The following SKAP2 variants were observed in gnomAD, a reference collection of about 807,000 sequenced individuals.
SKAP2 encodes src kinase-associated phosphoprotein 2.
Under a neutral mutation model 54.9 loss-of-function variants are expected in SKAP2, and 28 were observed. The observed-to-expected ratio is 0.51, with a 90% CI of 0.38 to 0.70. SKAP2 has a LOEUF of 0.70. Ranked by LOEUF, SKAP2 falls within the 30% of genes least tolerant of loss-of-function variation. The pLI is 0.00. For missense variants in SKAP2, 356 were observed against 424.1 expected (o/e 0.84, Z 1.41); for synonymous variants, 137 against 134.3 (o/e 1.02, Z -0.14).
chr7:26,816,437 G>A (rs1317705917), intron 4 of SKAP2, among the ~76,000 whole-genome samples: 1 of 151,862 alleles, frequency 6.6e-6, no homozygotes, highest in Non-Finnish European at 1.5e-5. Flanking sequence ...ATTAAGATAA[G>A]AATATTAGGA....
chr7:26,720,778 AACTC>A (rs1787561325), intron 9 of SKAP2, among the ~76,000 whole-genome samples: 1 of 152,114 alleles, frequency 6.6e-6, no homozygotes, highest in Non-Finnish European at 1.5e-5. Context: ...ATCTCATGAG[AACTC>A]ACTCACTATC....
chr7:26,838,809 G>A (rs966277375), intron 4 of SKAP2, among the ~76,000 whole-genome samples: 1 of 152,074 alleles, frequency 6.6e-6, no homozygotes, highest in Non-Finnish European at 1.5e-5. Context: ...ATTGTAGCAC[G>A]TAGTATTTAT....
chr7:26,809,775 A>C lies in SKAP2; in HGVS notation c.307+34255T>G, dbSNP rs529753619. Among the ~76,000 whole-genome samples the C allele has an allele frequency of 6.3e-4, 96 of 152,308 alleles. 1 individual carries two copies. Among genetic ancestry groups the C allele is most frequent in the African/African-American group, 2.2e-3 (91 of 41,570 alleles). On this transcript the variant is annotated intron_variant, in intron 4 of 12. Transcript: ENST00000345317. ...CTGGGAATATATCCAAAAGATACAAAATCAGTATGTCAAGGGGATATCTGC... is the reference window on the plus strand; with the variant it reads ...CTGGGAATATATCCAAAAGATACAACATCAGTATGTCAAGGGGATATCTGC...
intron 6 of SKAP2, among the ~76,000 whole-genome samples, chr7:26,737,977 G>A (rs1404548029): frequency 5.3e-5 from 8 of 152,036 alleles, no homozygotes; most frequent in Non-Finnish European, 8.8e-5. Flanking sequence ...TGGGTACAGC[G>A]GTGTGCACCT....
chr7:26,691,403 A>G (rs1786776563), intron 9 of SKAP2, among the ~76,000 whole-genome samples: 1 of 152,232 alleles, frequency 6.6e-6, no homozygotes, highest in Non-Finnish European at 1.5e-5. Context: ...CCAAAGAAAA[A>G]CTGGATTCAA....
chr7:26,657,103 C>T, the SKAP2 span, among the ~76,000 whole-genome samples: 59 of 152,298 alleles, frequency 3.9e-4, no homozygotes, highest in African/African-American at 1.4e-3. Context: ...TACCTGGTAA[C>T]TATAAATCTC....
rs1224506623 is a variant in SKAP2 at position 26,738,837 on chromosome 7, C to G, written c.427G>C (p.Ala143Pro). ...TAATAGAATACCGTTTTACTGAGAG[C>G]ACACCACCGTTTCTGCCATTCAAAT... ...LGFEWQKRWCALSKTVFYYYG... is the reference protein window; with the variant it reads ...LGFEWQKRWCPLSKTVFYYYG... The change falls in exon 6 of 13, where the codon GCT becomes CCT. Residue 143 changes from alanine to proline, a missense_variant. Coordinates refer to ENST00000345317, the MANE Select transcript of SKAP2 (RefSeq NM_003930.5). 1.9e-6 allele frequency: 3 copies of G among 1,608,234 alleles called. No individual in the cohort carries two copies. Among genetic ancestry groups the G allele is most frequent in the Non-Finnish European group, 2.6e-6 (3 of 1,174,968 alleles).
intron 1 of SKAP2, chr7:26,857,310 T>TAAAAAAAAAAAAAAAAAAAAGAA (rs1785185568): frequency 1.1e-5 from 1 of 91,018 alleles, no homozygotes; most frequent in Non-Finnish European, 1.9e-5. Flanking sequence ...CTGCTTTGCT[T>TAAAAAAAAAAAAAAAAAAAAGAA]AAAAAAAAAA....
At chr7:26,725,633 T>G in intron 8 of SKAP2, 68 bp from the exon 9 acceptor site, 1 of 1,360,904 alleles carries the variant, frequency 7.3e-7, no homozygotes, top group African/African-American at 1.5e-5. Context: ...CTATACTTTA[T>G]AAATAAATGC....
At chr7:26,748,886 T>C (rs757204401) in intron 4 of SKAP2, among the ~76,000 whole-genome samples, 23 of 152,178 alleles carry the variant, frequency 1.5e-4, no homozygotes, top group Non-Finnish European at 2.8e-4. Flanking sequence ...GATTGCAGGA[T>C]AGCTACCAGC....
intron 4 of SKAP2, among the ~76,000 whole-genome samples, chr7:26,810,872 G>T (rs552371235): frequency 6.6e-5 from 10 of 152,132 alleles, no homozygotes; most frequent in Non-Finnish European, 1.3e-4. Context: ...AGTAGAGACG[G>T]GGTTTCACCA....
chr7:26,778,684 AG>A (rs1037940931), intron 4 of SKAP2, among the ~76,000 whole-genome samples: 4 of 151,984 alleles, frequency 2.6e-5, no homozygotes, highest in African/African-American at 9.7e-5. Context: ...CTGGGAAAGC[AG>A]GTAACACCTT....
intron 4 of SKAP2, among the ~76,000 whole-genome samples, chr7:26,744,247 T>G (rs983163785): frequency 1.4e-4 from 22 of 152,094 alleles, no homozygotes; most frequent in African/African-American, 5.3e-4. Flanking sequence ...TGTTAACAAT[T>G]AAAAATAATT....
intron 4 of SKAP2, among the ~76,000 whole-genome samples, chr7:26,812,832 T>C (rs1467484459): frequency 6.9e-6 from 1 of 145,146 alleles, no homozygotes; most frequent in Non-Finnish European, 1.5e-5. Flanking sequence ...AAACCATGCT[T>C]TTTTAAAAAA....
chr7:26,741,520 T>C (rs774042571), intron 4 of SKAP2, among the ~76,000 whole-genome samples: 40 of 149,010 alleles, frequency 2.7e-4, no homozygotes, highest in African/African-American at 9.1e-4. Context: ...GCCTGGGTAA[T>C]AGAGTGAGAC....
At chr7:26,692,951 T>C (rs1456693298) in intron 9 of SKAP2, among the ~76,000 whole-genome samples, 1 of 152,042 alleles carries the variant, frequency 6.6e-6, no homozygotes, top group African/African-American at 2.4e-5. Context: ...TAGTAAGAAA[T>C]AAATTAAAAA....
At chr7:26,694,048 G>A (rs545658442) in intron 9 of SKAP2, among the ~76,000 whole-genome samples, 14 of 152,016 alleles carry the variant, frequency 9.2e-5, no homozygotes, top group Non-Finnish European at 2.1e-4. Flanking sequence ...AAGAACAAGT[G>A]ACCAAAATTC....
intron 3 of SKAP2, among the ~76,000 whole-genome samples, chr7:26,845,425 T>C (rs2127996247): frequency 6.6e-6 from 1 of 152,308 alleles, no homozygotes; most frequent in East Asian, 1.9e-4. Flanking sequence ...CTCATTAAGA[T>C]GATAAGGGCA....
chr7:26,672,769 T>C (rs1786269715), intron 11 of SKAP2, among the ~76,000 whole-genome samples: 2 of 152,024 alleles, frequency 1.3e-5, no homozygotes, highest in South Asian at 4.1e-4. Context: ...TTTACTTTTA[T>C]CATTACTATT....
Sources: allele counts gnomAD v4.1 joint callset (sites outside exome capture counted in the v4.1 genomes callset), GRCh38; gene constraint gnomAD v4.1.1; transcripts MANE v1.5; gene names NCBI Gene and HGNC (gene_info 2026-07-23, HGNC 2026-07-21).